Variants in BSND observed in about 807,000 individuals in gnomAD.
BSND encodes the protein barttin.
A neutral mutation model predicts 18.8 loss-of-function variants in BSND; 13 were observed. The observed-to-expected ratio is 0.69, with a 90% CI of 0.45 to 1.10. The LOEUF is 1.10. Among genes scored for constraint, BSND ranks in the 50% least tolerant of loss-of-function variants. The probability of loss-of-function intolerance (pLI) is 0.00; values close to 1 mark genes in which losing one functional copy is unlikely to be tolerated. For missense variants in BSND, 379 were observed against 416.7 expected (o/e 0.91, Z 0.79); for synonymous variants, 170 against 161.8 (o/e 1.05, Z -0.39).
intron 1 of BSND, among the ~76,000 whole-genome samples, chr1:55,003,844 T>G (rs952040497): frequency 6.8e-6 from 1 of 147,886 alleles, no homozygotes; most frequent in African/African-American, 2.7e-5. Flanking sequence ...AGCCCCATTT[T>G]AAAACTCATG....
chr1:55,006,875 T>A (rs1644393849), intron 2 of BSND, 122 bp from the exon 3 acceptor site: 2 of 1,428,548 alleles, frequency 1.4e-6, no homozygotes, highest in Admixed American at 1.8e-5. Context: ...CGCAGTAACA[T>A]CCCCCAAAGG....
At position 55,013,136 on chromosome 1, in the gene BSND, G is replaced by A. The variant is rs139547340; in HGVS notation, c.*4508G>A. ...TTCATCCTCGCAGCTTGCAAGGTTGGTGTATTGTCCCCATTTTATTTTTAT... is the reference window on the plus strand; with the variant it reads ...TTCATCCTCGCAGCTTGCAAGGTTGATGTATTGTCCCCATTTTATTTTTAT... On this transcript the variant is annotated 3_prime_UTR_variant, in exon 4 of 4. Coordinates refer to ENST00000651561, the MANE Select transcript of BSND (RefSeq NM_057176.3). Among the ~76,000 whole-genome samples the A allele has an allele frequency of 1.4e-3, 212 of 152,192 alleles. No homozygotes were observed. The highest frequency in any genetic ancestry group is 4.9e-3 in the African/African-American group (205 of 41,502).
At position 55,011,312 on chromosome 1, in the gene BSND, GC is replaced by G. The variant is rs35453110; in HGVS notation, c.*2688del. Reference sequence around the variant, plus strand: ...ACTGCCTCTGCTAAGTTATTAGGAGGCCCCTTTCACGCTCGAAGATACCTCA... The same window carrying G: ...ACTGCCTCTGCTAAGTTATTAGGAGGCCCTTTCACGCTCGAAGATACCTCA... On this transcript the variant is annotated 3_prime_UTR_variant, in exon 4 of 4. Transcript: ENST00000651561. 0.25 allele frequency: 38,377 copies of G among 152,032 alleles called. 6,110 individuals are homozygous for G. The highest frequency in any genetic ancestry group is 0.44 in the African/African-American group (18,373 of 41,334). 9.4% of individuals were successfully genotyped at this position (152,032 alleles called of 1,614,324 possible).
At chr1:55,005,232 T>G in intron 2 of BSND, 116 bp downstream of exon 2, 1 of 856,542 alleles carries the variant, frequency 1.2e-6, no homozygotes, top group Non-Finnish European at 1.9e-6. Context: ...TTACTGAGAA[T>G]GTATTAGAAA....
intron 1 of BSND, among the ~76,000 whole-genome samples, chr1:55,003,728 G>C (rs568266896): frequency 5.9e-5 from 9 of 152,322 alleles, no homozygotes; most frequent in Admixed American, 2.0e-4. Context: ...ATAGCATCAA[G>C]TTATGATTTA....
At chr1:55,004,498 C>T (rs1436334737) in intron 1 of BSND, among the ~76,000 whole-genome samples, 1 of 152,244 alleles carries the variant, frequency 6.6e-6, no homozygotes, top group East Asian at 1.9e-4. Context: ...CCACGCAGTG[C>T]CCACCTAGGG....
At position 55,004,993 on chromosome 1, in the gene BSND, C is replaced by T. The variant is rs1023814017; in HGVS notation, c.178-29C>T. On this transcript the variant is annotated intron_variant, in intron 1 of 3. Coordinates refer to ENST00000651561, the MANE Select transcript of BSND (RefSeq NM_057176.3). ...GTAGCCCCCCTACCCTGGTCAACTG[C>T]ACAGAGGCTGTCTCTCCTTTGCTTG... is the stretch of plus-strand genomic sequence containing the variant. The T allele has an allele frequency of 5.6e-6, 9 of 1,607,954 alleles. No homozygotes were observed. In the Admixed American group the frequency reaches 8.3e-5, roughly 15 times the overall value.
chr1:55,007,336 G>C, intron 3 of BSND, 64 bp downstream of exon 3: 3 of 1,518,252 alleles, frequency 2.0e-6, no homozygotes, highest in South Asian at 2.6e-5. Flanking sequence ...GGAGAGGAGT[G>C]GGGGACCGCC....
rs1644450712 is a variant in BSND, at chr1:55,016,220, G to C, written c.*7592G>C. Among the ~76,000 whole-genome samples, 1 of 152,186 alleles carries C rather than the reference G, an allele frequency of 6.6e-6. No individual in the cohort carries two copies. ...AAGAGGTTACAGTTCCTAACGGAGA[G>C]AGAGAGACAGATGGAGAGAGAGAGA... On this transcript the variant is annotated 3_prime_UTR_variant, in exon 4 of 4. Transcript: ENST00000651561.
Position 55,011,528 on chromosome 1 carries a change from C to G in BSND, c.*2900C>G, listed in dbSNP as rs1644422518. 6.6e-6 allele frequency: 1 copy of G among 152,208 alleles called. No individual in the cohort carries two copies. The highest frequency in any genetic ancestry group is 2.4e-5 in the African/African-American group (1 of 41,440). 9.4% of individuals were successfully genotyped at this position (152,208 alleles called of 1,614,324 possible). On this transcript the variant is annotated 3_prime_UTR_variant, in exon 4 of 4. Coordinates refer to ENST00000651561, the MANE Select transcript of BSND (RefSeq NM_057176.3). The stretch of plus-strand genomic sequence containing the variant: ...GCAGCCAAAGACCACTGGGAGCACA[C>G]CTCACCTGTGGTTAACAAGCTGGGT...
intron 3 of BSND, 65 bp downstream of exon 3, chr1:55,007,337 G>A: frequency 1.3e-6 from 2 of 1,515,188 alleles, no homozygotes; most frequent in Non-Finnish European, 1.8e-6. Flanking sequence ...GAGAGGAGTG[G>A]GGGACCGCCG....
intron 2 of BSND, among the ~76,000 whole-genome samples, chr1:55,005,523 A>G (rs1032917639): frequency 1.3e-5 from 2 of 152,234 alleles, no homozygotes; most frequent in African/African-American, 4.8e-5. Flanking sequence ...TCGCTGCCTG[A>G]CTTCCAGCAA....
Position 54,999,166 on chromosome 1 carries a change from C to G in BSND, c.-21C>G. The G allele has an allele frequency of 3.1e-6, 5 of 1,613,580 alleles. No homozygotes were observed. Among genetic ancestry groups the G allele is most frequent in the Non-Finnish European group, 4.2e-6 (5 of 1,180,016 alleles). ...ACCCCCTCTCCCGGGGGTGTGCAGG[C>G]CAGGGACTGGCCAGGCAGCCATGGC... On this transcript the variant is annotated 5_prime_UTR_variant, in exon 1 of 4. Coordinates refer to ENST00000651561, the MANE Select transcript of BSND (RefSeq NM_057176.3).
intron 1 of BSND, among the ~76,000 whole-genome samples, chr1:55,001,333 G>A (rs954037566): frequency 1.4e-4 from 22 of 151,994 alleles, no homozygotes; most frequent in African/African-American, 5.1e-4. Context: ...GGCACTGGGT[G>A]GGCCTCTGCA....
rs750910770 is a variant in BSND at position 55,014,085 on chromosome 1, C to T, written c.*5457C>T. Among the ~76,000 whole-genome samples, 3 of 152,234 alleles carry T rather than the reference C, an allele frequency of 2.0e-5. No individual in the cohort carries two copies. The highest frequency in any genetic ancestry group is 4.4e-5 in the Non-Finnish European group (3 of 68,040). On this transcript the variant is annotated 3_prime_UTR_variant, in exon 4 of 4. Coordinates refer to ENST00000651561, the MANE Select transcript of BSND (RefSeq NM_057176.3). The stretch of plus-strand genomic sequence containing the variant: ...TTCTGAATGACTAGCTGTGTGAGTA[C>T]CAGTCTCCCCACATGGACTGGGAGG...
Position 55,014,574 on chromosome 1 carries a change from A to G in BSND, c.*5946A>G, listed in dbSNP as rs138907762. Among the ~76,000 whole-genome samples the G allele has an allele frequency of 4.2e-3, 643 of 152,304 alleles. 26 individuals are homozygous for G. In the South Asian group the frequency reaches 0.081, roughly 19 times the overall value. On this transcript the variant is annotated 3_prime_UTR_variant, in exon 4 of 4. Coordinates refer to ENST00000651561, the MANE Select transcript of BSND (RefSeq NM_057176.3). ...GTGCCCATGTGCACCTGGGTCGTTC[A>G]AGCCTACAAGCACTGTGTCATCCAA...
rs780734352 is a variant in BSND, at chr1:55,013,409, C to T, written c.*4781C>T. The stretch of plus-strand genomic sequence containing the variant: ...TACCCCTGACCTCAGATGATCTACC[C>T]GCCTCAGCCTCCCAAAGTGCTGGCA... On this transcript the variant is annotated 3_prime_UTR_variant, in exon 4 of 4. Coordinates refer to ENST00000651561, the MANE Select transcript of BSND (RefSeq NM_057176.3). Among the ~76,000 whole-genome samples the T allele has an allele frequency of 5.9e-5, 9 of 152,128 alleles. No homozygotes were observed. Among genetic ancestry groups the T allele is most frequent in the Non-Finnish European group, 1.0e-4 (7 of 68,024 alleles).
chr1:55,001,380 G>T (rs553452830), intron 1 of BSND, among the ~76,000 whole-genome samples: 112 of 152,204 alleles, frequency 7.4e-4, no homozygotes, highest in Non-Finnish European at 1.4e-3. Context: ...TTTCAGAGAT[G>T]CAGGCTGGTA....
At chr1:55,000,680 G>C (rs1010558044) in intron 1 of BSND, among the ~76,000 whole-genome samples, 2 of 152,256 alleles carry the variant, frequency 1.3e-5, no homozygotes, top group African/African-American at 4.8e-5. Context: ...TCTGTTCAGT[G>C]CTGGAGCGGT....
Sources: allele counts gnomAD v4.1 joint callset (sites outside exome capture counted in the v4.1 genomes callset), GRCh38; gene constraint gnomAD v4.1.1; transcripts MANE v1.5; gene names NCBI Gene and HGNC (gene_info 2026-07-23, HGNC 2026-07-21).